Variants in NXPE4 observed in about 807,000 individuals in gnomAD.
NXPE4 encodes the protein neurexophilin and PC-esterase domain family member 4.
A neutral mutation model predicts 33.3 loss-of-function variants in NXPE4; 42 were observed. That is an observed-to-expected ratio of 1.26 (90% CI 0.98 to 1.63). The LOEUF is 1.63. Ranked by LOEUF, NXPE4 falls within the 40% of genes most tolerant of loss-of-function variation. The probability of loss-of-function intolerance (pLI) is 0.00; values close to 1 mark genes in which losing one functional copy is unlikely to be tolerated. For synonymous variants in NXPE4, 253 were observed against 234.9 expected, an observed-to-expected ratio of 1.08 and a Z score of -0.71; for missense variants, 709 against 647.6, an observed-to-expected ratio of 1.09 and a Z score of -1.03.
At chr11:114,628,310 A>G in the NXPE4 span, among the ~76,000 whole-genome samples, 71 of 152,028 alleles carry the variant, frequency 4.7e-4, no homozygotes, top group African/African-American at 1.2e-3. Flanking sequence ...CAGAAATTAT[A>G]ACAAACTGTC....
chr11:114,648,542 T>A, the NXPE4 span, among the ~76,000 whole-genome samples: 1 of 152,306 alleles, frequency 6.6e-6, no homozygotes, highest in East Asian at 1.9e-4. Flanking sequence ...AACACTCTTA[T>A]AGAAACACCC....
At chr11:114,618,043 A>G in the NXPE4 span, among the ~76,000 whole-genome samples, 3 of 130,536 alleles carry the variant, frequency 2.3e-5, no homozygotes, top group South Asian at 2.5e-4. Context: ...CGTGGGTAAC[A>G]ACTCTTACCC....
the NXPE4 span, among the ~76,000 whole-genome samples, chr11:114,657,752 A>G: frequency 8.5e-5 from 13 of 152,308 alleles, no homozygotes; most frequent in African/African-American, 1.4e-4. Context: ...AAAAAAAGAT[A>G]TAAGAACCCC....
the NXPE4 span, among the ~76,000 whole-genome samples, chr11:114,626,668 C>T: frequency 1.5e-4 from 23 of 152,266 alleles, no homozygotes; most frequent in East Asian, 3.9e-4. Context: ...CAAAGCTGGA[C>T]GGAGAATGAC....
intron 2 of NXPE4, chr11:114,583,396 C>T (rs1565334176): frequency 1.6e-6 from 1 of 629,272 alleles, no homozygotes; most frequent in Non-Finnish European, 3.0e-6. Context: ...ATGGTTTCTA[C>T]TGAAAAATGG....
At chr11:114,592,027 C>T (rs1949468737) in intron 2 of NXPE4, among the ~76,000 whole-genome samples, 1 of 152,064 alleles carries the variant, frequency 6.6e-6, no homozygotes, top group South Asian at 2.1e-4. Context: ...AAATGTACCT[C>T]AAAACAATAA....
chr11:114,649,423 T>C, the NXPE4 span, among the ~76,000 whole-genome samples: 2 of 152,188 alleles, frequency 1.3e-5, no homozygotes, highest in Non-Finnish European at 2.9e-5. Flanking sequence ...GAACTACTAG[T>C]ACATGTTAGC....
At chr11:114,577,087 A>G (rs1949024145) in intron 5 of NXPE4, among the ~76,000 whole-genome samples, 1 of 89,936 alleles carries the variant, frequency 1.1e-5, no homozygotes, top group Non-Finnish European at 2.0e-5. Context: ...ATATATATAC[A>G]TATATATATA....
chr11:114,596,975 C>T (rs1041242301), upstream of NXPE4, among the ~76,000 whole-genome samples: 8 of 152,142 alleles, frequency 5.3e-5, no homozygotes, highest in Non-Finnish European at 1.0e-4. Context: ...TCCAAGATTC[C>T]TTTCATTTTG....
chr11:114,627,605 T>C, the NXPE4 span, among the ~76,000 whole-genome samples: 28 of 151,000 alleles, frequency 1.9e-4, no homozygotes, highest in East Asian at 2.5e-3. Context: ...GAAGAAACTG[T>C]ATCAACTAAC....
chr11:114,637,045 C>G, the NXPE4 span, among the ~76,000 whole-genome samples: 43 of 152,096 alleles, frequency 2.8e-4, no homozygotes, highest in African/African-American at 9.6e-4. Flanking sequence ...ATTGATCTGT[C>G]TAATGTTGAC....
rs185749351 is a variant in NXPE4 at position 114,583,020 on chromosome 11, A to T, written c.98T>A (p.Val33Asp). The change falls in exon 3 of 6, where the codon GTT becomes GAT. Residue 33 changes from valine (V) to aspartate (D), a missense_variant and splice_region_variant. Transcript: ENST00000375478. ...IFTVFQNSTK[V>D]WSALNLSISL... ...GATGGATAAGTTTAGAGCAGACCAA[A>T]CCTGAAATGACAGCAAATGTGACAT... 1.2e-6 allele frequency: 2 copies of T among 1,602,662 alleles called. No individual in the cohort carries two copies. The highest frequency in any genetic ancestry group is 3.4e-5 in the Admixed American group (2 of 59,008).
chr11:114,615,792 A>G, the NXPE4 span, among the ~76,000 whole-genome samples: 6 of 150,136 alleles, frequency 4.0e-5, no homozygotes, highest in Non-Finnish European at 8.9e-5. Context: ...CTGTTACCCA[A>G]TGGATAATAA....
At position 114,592,438 on chromosome 11, in the gene NXPE4, C is replaced by T. The variant is rs138137460; in HGVS notation, c.96+2226G>A. The stretch of plus-strand genomic sequence containing the variant: ...TTCATTTACAGTAGCTACAAAAACC[C>T]TAGGAATAAATTGATCTAAAGAGGT... On this transcript the variant is annotated intron_variant, in intron 2 of 5. Coordinates refer to ENST00000375478, the MANE Select transcript of NXPE4 (RefSeq NM_001077639.2). Among the ~76,000 whole-genome samples the T allele has an allele frequency of 1.2e-3, 182 of 151,942 alleles. 2 individuals carry two copies. The East Asian group carries it at 0.03, about 25-fold the overall frequency.
At chr11:114,612,037 G>A in the NXPE4 span, among the ~76,000 whole-genome samples, 1 of 151,926 alleles carries the variant, frequency 6.6e-6, no homozygotes, top group Non-Finnish European at 1.5e-5. Flanking sequence ...TTACCTGGTG[G>A]ATAAGAAGTG....
chr11:114,578,666 C>T (rs940429047), intron 5 of NXPE4, among the ~76,000 whole-genome samples: 3 of 152,172 alleles, frequency 2.0e-5, no homozygotes, highest in Non-Finnish European at 4.4e-5. Context: ...GATGGAGCCA[C>T]AGCTACTGCA....
At chr11:114,610,277 C>A in the NXPE4 span, among the ~76,000 whole-genome samples, 1 of 148,570 alleles carries the variant, frequency 6.7e-6, no homozygotes, top group South Asian at 2.1e-4. Context: ...TGTTGCCTAC[C>A]CGGTGGATAA....
chr11:114,599,206 G>A (rs938079017), upstream of NXPE4, among the ~76,000 whole-genome samples: 1 of 152,028 alleles, frequency 6.6e-6, no homozygotes, highest in Non-Finnish European at 1.5e-5. Context: ...CCTTGGACAG[G>A]GGTACAGTGC....
At chr11:114,614,498 C>T in the NXPE4 span, among the ~76,000 whole-genome samples, 11 of 151,566 alleles carry the variant, frequency 7.3e-5, no homozygotes, top group East Asian at 2.0e-4. Flanking sequence ...CACAGTTACC[C>T]GGTGGATAAT....
Sources: allele counts gnomAD v4.1 joint callset (sites outside exome capture counted in the v4.1 genomes callset), GRCh38; gene constraint gnomAD v4.1.1; transcripts MANE v1.5; gene names NCBI Gene and HGNC (gene_info 2026-07-23, HGNC 2026-07-21).